Variants in CSMD1 observed in about 807,000 individuals in gnomAD.
The protein encoded by CSMD1 is CUB and sushi domain-containing protein 1.
In CSMD1, 213 loss-of-function variants were observed where a neutral mutation model predicts 417.5. The observed-to-expected ratio is 0.51, with a 90% CI of 0.46 to 0.57. CSMD1 has a LOEUF of 0.57. CSMD1 is among the 20% of genes least tolerant of loss of function. The pLI is 0.00. For missense variants in CSMD1, 6,923 were observed against 4,529.7 expected (o/e 1.53, Z -15.17); for synonymous variants, 2,862 against 1,736.8 (o/e 1.65, Z -16.11).
intron 2 of CSMD1, among the ~76,000 whole-genome samples, chr8:4,452,960 T>C (rs942037169): frequency 3.9e-5 from 6 of 152,136 alleles, no homozygotes; most frequent in African/African-American, 7.2e-5. Context: ...ATTTTTCAAT[T>C]TAAGCTTTTG....
At chr8:4,020,539 A>C (rs1796738308) in intron 4 of CSMD1, among the ~76,000 whole-genome samples, 2 of 152,304 alleles carry the variant, frequency 1.3e-5, no homozygotes, top group South Asian at 2.1e-4. Context: ...AACATCTCAG[A>C]TAAGAAGAAT....
intron 4 of CSMD1, among the ~76,000 whole-genome samples, chr8:4,008,616 T>C (rs957797625): frequency 3.7e-5 from 5 of 134,802 alleles, no homozygotes; most frequent in African/African-American, 1.4e-4. Flanking sequence ...TTTTTTTTTT[T>C]TTTTTTTTTT....
chr8:4,442,944 T>C (rs780069622), intron 2 of CSMD1, among the ~76,000 whole-genome samples: 3 of 152,180 alleles, frequency 2.0e-5, no homozygotes, highest in Non-Finnish European at 2.9e-5. Context: ...CTCAACGTAA[T>C]GTATCTACAG....
At chr8:4,046,469 TG>T (rs560743059) in intron 3 of CSMD1, among the ~76,000 whole-genome samples, 86 of 152,348 alleles carry the variant, frequency 5.6e-4, no homozygotes, top group African/African-American at 2.0e-3. Flanking sequence ...TCAAGCTTCA[TG>T]AAAAGAGTCT....
At chr8:3,106,461 C>A in intron 46 of CSMD1, 67 bp downstream of exon 46, 7 of 902,246 alleles carry the variant, frequency 7.8e-6, no homozygotes, top group Non-Finnish European at 8.8e-6. Context: ...AAATGCAGAC[C>A]AATACAAACA....
At chr8:4,790,029 C>A (rs777649137) in intron 1 of CSMD1, among the ~76,000 whole-genome samples, 7 of 152,102 alleles carry the variant, frequency 4.6e-5, no homozygotes, top group Non-Finnish European at 8.8e-5. Flanking sequence ...AAAAGGAATC[C>A]AGGATTATGT....
At chr8:4,888,405 T>A (rs572200944) in intron 1 of CSMD1, among the ~76,000 whole-genome samples, 1 of 152,080 alleles carries the variant, frequency 6.6e-6, no homozygotes, top group East Asian at 1.9e-4. Flanking sequence ...TTATTTCCCA[T>A]TCTTTCATTC....
chr8:3,800,743 T>C lies in CSMD1; in HGVS notation c.819-46701A>G, dbSNP rs549979174. The stretch of plus-strand genomic sequence containing the variant: ...AGTTCTTGAAGGAAAAGATTAGTTT[T>C]GTTGAGGTAGTTTGTTTTTAAGCAA... On this transcript the variant is annotated intron_variant, in intron 5 of 69. Transcript: ENST00000635120. 2.7e-3 allele frequency among the ~76,000 whole-genome samples: 411 copies of C among 152,252 alleles called. 2 individuals are homozygous for C. The highest frequency in any genetic ancestry group is 9.6e-3 in the African/African-American group (401 of 41,556).
At chr8:3,797,152 A>T (rs1800199077) in intron 5 of CSMD1, among the ~76,000 whole-genome samples, 1 of 151,974 alleles carries the variant, frequency 6.6e-6, no homozygotes, top group Admixed American at 6.6e-5. Context: ...CAGTCAACAT[A>T]ATAATTGAAT....
intron 69 of CSMD1, 116 bp downstream of exon 69, chr8:2,942,356 G>A: frequency 1.5e-4 from 119 of 811,284 alleles, no homozygotes; most frequent in South Asian, 4.1e-4. Context: ...AAAAAAAAAA[G>A]AACATTGCAT....
intron 7 of CSMD1, chr8:3,700,632 A>G (rs1800805559): frequency 6.6e-6 from 1 of 152,162 alleles, no homozygotes; most frequent in Non-Finnish European, 1.5e-5. Flanking sequence ...GCTGCCAGAG[A>G]AAGCGAATTT....
chr8:4,038,999 G>C (rs1448104558), intron 3 of CSMD1, among the ~76,000 whole-genome samples: 1 of 152,188 alleles, frequency 6.6e-6, no homozygotes, highest in Non-Finnish European at 1.5e-5. Flanking sequence ...TGTTTCAATG[G>C]TTAAGTGGAT....
intron 24 of CSMD1, 57 bp downstream of exon 24, chr8:3,308,255 G>C (rs10091831): frequency 7.3e-6 from 10 of 1,366,194 alleles, no homozygotes; most frequent in Non-Finnish European, 1.0e-5. Context: ...ATGCAACATG[G>C]TGCAAGCACC....
chr8:4,436,703 C>T (rs1413211679), intron 2 of CSMD1, among the ~76,000 whole-genome samples: 4 of 152,106 alleles, frequency 2.6e-5, no homozygotes, highest in Non-Finnish European at 5.9e-5. Context: ...TGGTAACCAT[C>T]CTACTCCCTA....
intron 7 of CSMD1, among the ~76,000 whole-genome samples, chr8:3,636,458 G>T (rs1232223928): frequency 6.6e-6 from 1 of 152,156 alleles, no homozygotes; most frequent in East Asian, 1.9e-4. Flanking sequence ...GATTACAGGT[G>T]TGAGCCACCT....
intron 3 of CSMD1, among the ~76,000 whole-genome samples, chr8:4,315,961 C>A (rs181061085): frequency 6.6e-6 from 1 of 151,980 alleles, no homozygotes. Flanking sequence ...AAATAAAGAA[C>A]GGGAAATTTT....
chr8:3,021,385 C>G (rs554880246), intron 51 of CSMD1, among the ~76,000 whole-genome samples: 5 of 152,300 alleles, frequency 3.3e-5, no homozygotes, highest in African/African-American at 1.2e-4. Flanking sequence ...AGCAATAACT[C>G]GGAAATCTTG....
intron 3 of CSMD1, among the ~76,000 whole-genome samples, chr8:4,077,353 T>C (rs1055093770): frequency 7.6e-6 from 1 of 131,298 alleles, no homozygotes; most frequent in Non-Finnish European, 1.6e-5. Flanking sequence ...ATAATTTATA[T>C]TTTTTATCAG....
chr8:3,878,720 G>A (rs1168524948), intron 5 of CSMD1, among the ~76,000 whole-genome samples: 3 of 152,138 alleles, frequency 2.0e-5, no homozygotes, highest in East Asian at 1.9e-4. Flanking sequence ...GAGACACTGT[G>A]TCATGGGAAA....
Sources: gnomAD v4.1 joint callset for allele counts (sites outside exome capture counted in the v4.1 genomes callset) on GRCh38, gnomAD v4.1.1 for gene constraint, MANE v1.5 for transcripts, NCBI Gene and HGNC (gene_info 2026-07-23, HGNC 2026-07-21) for gene names.